The following HTR7 variants were observed in gnomAD, a reference collection of about 807,000 sequenced individuals.
HTR7 encodes the protein 5-hydroxytryptamine receptor 7.
A neutral mutation model predicts 34.0 loss-of-function variants in HTR7; 16 were observed. That is an observed-to-expected ratio of 0.47 (90% CI 0.32 to 0.71). The LOEUF (loss-of-function observed/expected upper bound fraction) is 0.71, where lower values mean the gene tolerates loss of function less well. Among genes scored for constraint, HTR7 ranks in the 30% least tolerant of loss-of-function variants. The pLI is 0.04. For synonymous variants in HTR7, 265 were observed against 260.2 expected (o/e 1.02, Z -0.18); for missense variants, 504 against 625.5 (o/e 0.81, Z 2.07).
chr10:90,750,199 T>G (rs1024661454), intron 1 of HTR7, among the ~76,000 whole-genome samples: 2 of 152,320 alleles, frequency 1.3e-5, no homozygotes, highest in South Asian at 4.1e-4. Context: ...GTTATTATTT[T>G]GCCCACAGAA....
intron 1 of HTR7, among the ~76,000 whole-genome samples, chr10:90,771,942 A>G (rs1325967872): frequency 1.3e-5 from 2 of 152,240 alleles, no homozygotes; most frequent in Non-Finnish European, 2.9e-5. Flanking sequence ...GGGAAAAAAA[A>G]GTAAAAGATA....
intron 1 of HTR7, among the ~76,000 whole-genome samples, chr10:90,856,298 A>T (rs1846579958): frequency 6.6e-6 from 1 of 152,252 alleles, no homozygotes; most frequent in African/African-American, 2.4e-5. Flanking sequence ...TCAAGTTGTC[A>T]ACTGCATAAT....
rs879393755 is a variant in HTR7, at chr10:90,857,778, A to C, written c.-107T>G. ...CGGTTCCGCTCCGCCCGGCCCAGCC[A>C]TGGGGCCCGCGCCGACCGCTGGGGG... On this transcript the variant is annotated 5_prime_UTR_variant, in exon 1 of 4. An upstream start codon of the reference 5' UTR is lost. Coordinates refer to ENST00000336152, the MANE Select transcript of HTR7 (RefSeq NM_019859.4). The surrounding 1 kb of genome is among the most constrained non-coding windows in gnomAD (Gnocchi z 6.5). 1 of 1,166,324 alleles carries C rather than the reference A, an allele frequency of 8.6e-7. No homozygotes were observed. Among genetic ancestry groups the C allele is most frequent in the Non-Finnish European group, 1.1e-6 (1 of 900,778 alleles). 72.2% of individuals were successfully genotyped at this position (1,166,324 alleles called of 1,614,324 possible).
intron 1 of HTR7, among the ~76,000 whole-genome samples, chr10:90,815,167 C>T (rs536506477): frequency 6.6e-6 from 1 of 151,732 alleles, no homozygotes; most frequent in Non-Finnish European, 1.5e-5. Flanking sequence ...TCTCGGCTCA[C>T]CGCAACCTCT....
intron 1 of HTR7, among the ~76,000 whole-genome samples, chr10:90,845,302 G>A (rs551653933): frequency 2.1e-4 from 32 of 152,100 alleles, no homozygotes; most frequent in Non-Finnish European, 4.1e-4. Flanking sequence ...AAGCTGTAAG[G>A]GACTGCAATC....
At chr10:90,803,008 T>C (rs1279603004) in intron 1 of HTR7, among the ~76,000 whole-genome samples, 1 of 149,602 alleles carries the variant, frequency 6.7e-6, no homozygotes, top group African/African-American at 2.5e-5. Context: ...TTTTTTTTTT[T>C]TTTTTTTTTT....
intron 1 of HTR7, among the ~76,000 whole-genome samples, chr10:90,816,645 G>A (rs367901537): frequency 1.4e-4 from 22 of 152,076 alleles, no homozygotes; most frequent in East Asian, 7.7e-4. Context: ...GTTTCACTTC[G>A]TCTGAGAAAA....
chr10:90,784,118 T>C (rs1197606379), intron 1 of HTR7, among the ~76,000 whole-genome samples: 1 of 152,180 alleles, frequency 6.6e-6, no homozygotes, highest in Non-Finnish European at 1.5e-5. Context: ...ATACACCACA[T>C]ACAAAACTCT....
At chr10:90,761,389 G>T (rs1844932768) in intron 1 of HTR7, among the ~76,000 whole-genome samples, 1 of 151,814 alleles carries the variant, frequency 6.6e-6, no homozygotes, top group Non-Finnish European at 1.5e-5. Context: ...CATATATATT[G>T]TGAAATGATT....
chr10:90,831,588 G>C lies in HTR7; in HGVS notation c.539+25545C>G, dbSNP rs1017165121. On this transcript the variant is annotated intron_variant, in intron 1 of 3. Coordinates refer to ENST00000336152, the MANE Select transcript of HTR7 (RefSeq NM_019859.4). ...GGACCCCAGCGGGTTGCCACTGCTG[G>C]CTCGCGCAGCCTGCTTTTATTCTCT... 2.0e-5 allele frequency among the ~76,000 whole-genome samples: 3 copies of C among 152,338 alleles called. No homozygotes were observed. In the East Asian group the frequency reaches 5.8e-4, roughly 29 times the overall value.
At chr10:90,812,850 GT>G (rs1845836764) in intron 1 of HTR7, among the ~76,000 whole-genome samples, 1 of 152,204 alleles carries the variant, frequency 6.6e-6, no homozygotes. Flanking sequence ...CGCATCCCCT[GT>G]GACTTGCACA....
At chr10:90,757,790 G>T (rs867529441) in intron 1 of HTR7, among the ~76,000 whole-genome samples, 1 of 152,072 alleles carries the variant, frequency 6.6e-6, no homozygotes, top group Non-Finnish European at 1.5e-5. Flanking sequence ...AAGGAAAAAA[G>T]AAAGAAAGAG....
intron 1 of HTR7, among the ~76,000 whole-genome samples, chr10:90,795,863 C>T (rs938820152): frequency 4.6e-5 from 7 of 152,068 alleles, no homozygotes; most frequent in African/African-American, 1.7e-4. Context: ...GGTGTTTCCA[C>T]GTCATAGACA....
At chr10:90,844,726 C>CAAAA (rs71025328) in intron 1 of HTR7, among the ~76,000 whole-genome samples, 1 of 39,506 alleles carries the variant, frequency 2.5e-5, no homozygotes, top group Non-Finnish European at 5.0e-5. Flanking sequence ...GACTCCGTCT[C>CAAAA]AAAAAAAAAA....
At position 90,768,861 on chromosome 10, in the gene HTR7, A is replaced by G. The variant is rs150535080; in HGVS notation, c.540-19267T>C. Reference sequence around the variant, plus strand: ...AAACAACTCCAACTTCTTCCTCGGTAATGTGAACCCTAAAACTTAGTGGCT... The same window carrying G: ...AAACAACTCCAACTTCTTCCTCGGTGATGTGAACCCTAAAACTTAGTGGCT... On this transcript the variant is annotated intron_variant, in intron 1 of 3. Transcript: ENST00000336152. Among the ~76,000 whole-genome samples the G allele has an allele frequency of 1.7e-3, 265 of 152,358 alleles. 2 individuals are homozygous for G. The highest frequency in any genetic ancestry group is 6.1e-3 in the African/African-American group (255 of 41,580).
chr10:90,752,853 C>G (rs1844762950), intron 1 of HTR7, among the ~76,000 whole-genome samples: 1 of 152,058 alleles, frequency 6.6e-6, no homozygotes, highest in African/African-American at 2.4e-5. Flanking sequence ...TCACATGGAT[C>G]AAAGATTATC....
intron 1 of HTR7, among the ~76,000 whole-genome samples, chr10:90,845,650 T>C (rs1431729309): frequency 6.6e-6 from 1 of 152,222 alleles, no homozygotes; most frequent in African/African-American, 2.4e-5. Flanking sequence ...GTGTTATCCC[T>C]GAAGGGTTTC....
intron 1 of HTR7, among the ~76,000 whole-genome samples, chr10:90,775,676 G>C (rs940735804): frequency 2.0e-5 from 3 of 152,208 alleles, no homozygotes; most frequent in African/African-American, 7.2e-5. Flanking sequence ...TGCTCACTCA[G>C]GCTGTTCTGT....
At position 90,857,798 on chromosome 10, in the gene HTR7, TG is replaced by T. The variant is rs1846619442; in HGVS notation, c.-128del. 16 of 908,332 alleles carry T rather than the reference TG, an allele frequency of 1.8e-5. No homozygotes were observed. Among genetic ancestry groups the T allele is most frequent in the Non-Finnish European group, 2.0e-5 (14 of 683,766 alleles). 56.3% of individuals were successfully genotyped at this position (908,332 alleles called of 1,614,324 possible). On this transcript the variant is annotated 5_prime_UTR_variant, in exon 1 of 4. Transcript: ENST00000336152. This position sits in a 1 kb window ranked among gnomAD's most constrained non-coding sequence, Gnocchi z 6.5. Reference sequence around the variant, plus strand: ...CAGCCATGGGGCCCGCGCCGACCGCTGGGGGGCGCCTGGCTCTGTCTCGGAG... The same window carrying T: ...CAGCCATGGGGCCCGCGCCGACCGCTGGGGGCGCCTGGCTCTGTCTCGGAG...
Sources: gnomAD v4.1 joint callset for allele counts (sites outside exome capture counted in the v4.1 genomes callset) on GRCh38, gnomAD v4.1.1 for gene constraint, Gnocchi (gnomAD v3.1) non-coding constraint, MANE v1.5 for transcripts, NCBI Gene and HGNC (gene_info 2026-07-23, HGNC 2026-07-21) for gene names.